SLC12A9: variants seen among roughly 807,000 people sequenced by gnomAD.
SLC12A9 encodes the protein solute carrier family 12 member 9, also known as CCC-interacting protein 1.
In SLC12A9, 55 loss-of-function variants were observed where a neutral mutation model predicts 66.0. The observed-to-expected ratio is 0.83, with a 90% CI of 0.67 to 1.04. The LOEUF is 1.04. Ranked by LOEUF, SLC12A9 falls within the 50% of genes least tolerant of loss-of-function variation. The probability of loss-of-function intolerance (pLI) is 0.00; values close to 1 mark genes in which losing one functional copy is unlikely to be tolerated. For synonymous variants in SLC12A9, 577 were observed against 569.0 expected (o/e 1.01, Z -0.20); for missense variants, 1,061 against 1,241.9 (o/e 0.85, Z 2.19).
At chr7:100,846,092 T>G (rs906038588) in intron 1 of SLC12A9, among the ~76,000 whole-genome samples, 1 of 152,184 alleles carries the variant, frequency 6.6e-6, no homozygotes, top group Non-Finnish European at 1.5e-5. Flanking sequence ...GACATAGAGA[T>G]ATGACAAAAC....
chr7:100,865,263 C>G (rs1178842855), intron 13 of SLC12A9: 1 of 1,535,692 alleles, frequency 6.5e-7, no homozygotes, highest in Middle Eastern at 1.7e-4. Flanking sequence ...CTGCCTGGTC[C>G]ATTTTTTCAT....
intron 1 of SLC12A9, among the ~76,000 whole-genome samples, chr7:100,832,774 C>CT (rs937017393): frequency 4.0e-5 from 6 of 150,960 alleles, no homozygotes; most frequent in African/African-American, 1.2e-4. Flanking sequence ...GATTTTATAC[C>CT]TTTTTTTTTC....
At chr7:100,854,558 C>G (rs1814269369) in intron 2 of SLC12A9, 62 bp from the exon 3 acceptor site, 1 of 1,608,376 alleles carries the variant, frequency 6.2e-7, no homozygotes, top group East Asian at 2.2e-5. Flanking sequence ...CTCTGCAGAA[C>G]CAGGGGGTGG....
chr7:100,837,851 ATTTTTTTTTTT>A (rs11285489), intron 1 of SLC12A9, among the ~76,000 whole-genome samples: 4 of 79,654 alleles, frequency 5.0e-5, no homozygotes, highest in South Asian at 4.2e-4. Flanking sequence ...ATTTATTTCA[ATTTTTTTTTTT>A]TTTTTTTTTT....
intron 1 of SLC12A9, among the ~76,000 whole-genome samples, chr7:100,842,205 C>G (rs768303962): frequency 3.4e-4 from 51 of 152,056 alleles, no homozygotes; most frequent in Non-Finnish European, 1.2e-4. Context: ...AAAGGAAAAC[C>G]CTATCAAACT....
Position 100,862,721 on chromosome 7 carries a change from A to G in SLC12A9, c.1752A>G (p.Ala584=). Residue 584 remains alanine (A), a synonymous_variant, in exon 13 of 14, where the codon GCA becomes GCG. Transcript: ENST00000354161. Reference sequence around the variant, plus strand: ...ACCCTGTACAGCCGCAGTATGGGGCATGGCTCAGCCTGGTGGACCGTGCCC... The same window carrying G: ...ACCCTGTACAGCCGCAGTATGGGGCGTGGCTCAGCCTGGTGGACCGTGCCC... The part of the protein sequence containing the change: ...PSDPVQPQYG[A]WLSLVDRAQV... The G allele has an allele frequency of 6.2e-7, 1 of 1,614,186 alleles. No individual in the cohort carries two copies. Among genetic ancestry groups the G allele is most frequent in the Non-Finnish European group, 8.5e-7 (1 of 1,180,034 alleles).
At chr7:100,865,307 TG>T in intron 13 of SLC12A9, 3 of 1,535,848 alleles carry the variant, frequency 2.0e-6, no homozygotes, top group Non-Finnish European at 2.6e-6. Context: ...GCTATTACCC[TG>T]GGGATTCAGG....
intron 1 of SLC12A9, among the ~76,000 whole-genome samples, chr7:100,841,325 A>C (rs930923854): frequency 5.3e-5 from 8 of 152,006 alleles, no homozygotes; most frequent in Admixed American, 1.3e-4. Context: ...AAAAAAAAAA[A>C]CAAACCAGTT....
Position 100,856,883 on chromosome 7 carries a change from G to C in SLC12A9, c.464G>C (p.Ser155Thr). 6.2e-7 allele frequency: 1 copy of C among 1,600,964 alleles called. No individual in the cohort carries two copies. Among genetic ancestry groups the C allele is most frequent in the Middle Eastern group, 1.7e-4 (1 of 6,020 alleles). The change falls in exon 5 of 14, where the codon AGT (serine) becomes ACT (threonine). Residue 155 changes from serine to threonine, a missense_variant. Transcript: ENST00000354161. ...DVFGADATGP[S>T]GLRVLPQGYG... ...CTCTCTCCAGATGCCACAGGGCCCAGTGGGCTCCGGGTCCTGCCCCAGGGC... is the reference window on the plus strand; with the variant it reads ...CTCTCTCCAGATGCCACAGGGCCCACTGGGCTCCGGGTCCTGCCCCAGGGC...
Position 100,852,740 on chromosome 7 carries a change from G to C in SLC12A9, c.-138G>C, listed in dbSNP as rs550500245. 1 of 152,152 alleles carries C rather than the reference G, an allele frequency of 6.6e-6. No individual in the cohort carries two copies. The highest frequency in any genetic ancestry group is 2.0e-4 in the East Asian group (1 of 5,108). 9.4% of individuals were successfully genotyped at this position (152,152 alleles called of 1,614,324 possible). A position where few individuals can be genotyped will look rare whatever the true frequency, so the allele number is the denominator to read the frequency against. ...GGACAGGCTCCAGGCCTGGCATCCCGGTAGCCGCAGCTGTCTTTTCCGGCC... is the reference window on the plus strand; with the variant it reads ...GGACAGGCTCCAGGCCTGGCATCCCCGTAGCCGCAGCTGTCTTTTCCGGCC... On this transcript the variant is annotated 5_prime_UTR_variant, in exon 1 of 14. Transcript: ENST00000354161.
At chr7:100,834,339 C>T (rs1031214783) in intron 1 of SLC12A9, among the ~76,000 whole-genome samples, 5 of 152,140 alleles carry the variant, frequency 3.3e-5, no homozygotes, top group South Asian at 4.1e-4. Context: ...CAGGTCATTA[C>T]GGGTTTTTGC....
rs747950698 is a variant in SLC12A9, at chr7:100,856,910, A to C, written c.491A>C (p.Tyr164Ser). ...GGGCTCCGGGTCCTGCCCCAGGGCT[A>C]CGGCTGGAACCTGCTGTATGGCTCC... ...PSGLRVLPQGYGWNLLYGSLL... is the reference protein window; with the variant it reads ...PSGLRVLPQGSGWNLLYGSLL... The change falls in exon 5 of 14, where the codon TAC (tyrosine) becomes TCC (serine). Residue 164 changes from tyrosine (Y) to serine (S), a missense_variant. Transcript: ENST00000354161. 6.2e-7 allele frequency: 1 copy of C among 1,610,082 alleles called. No individual in the cohort carries two copies. The highest frequency in any genetic ancestry group is 1.7e-5 in the Admixed American group (1 of 59,994).
At chr7:100,827,169 G>T in intron 1 of SLC12A9, 1 of 820,672 alleles carries the variant, frequency 1.2e-6, no homozygotes, top group Non-Finnish European at 1.7e-6. Context: ...GCCCATGCGA[G>T]CGTGCGGGGC....
chr7:100,827,095 C>T, intron 1 of SLC12A9: 2 of 1,524,096 alleles, frequency 1.3e-6, no homozygotes, highest in Non-Finnish European at 1.8e-6. Flanking sequence ...CCAGGTCTGA[C>T]TCTCCCTGGG....
intron 5 of SLC12A9, 49 bp downstream of exon 5, chr7:100,857,225 G>T: frequency 6.4e-7 from 1 of 1,570,784 alleles, no homozygotes; most frequent in South Asian, 1.2e-5. Context: ...GGGGTGGGCA[G>T]ACGTCGGGCC....
chr7:100,832,382 T>C (rs1037910446), intron 1 of SLC12A9, among the ~76,000 whole-genome samples: 4 of 151,974 alleles, frequency 2.6e-5, no homozygotes, highest in Admixed American at 2.6e-4. Context: ...CGTGGTGGCA[T>C]GTGGCTATGG....
intron 1 of SLC12A9, among the ~76,000 whole-genome samples, chr7:100,829,160 G>C (rs1027202127): frequency 1.3e-5 from 2 of 152,066 alleles, no homozygotes; most frequent in Non-Finnish European, 2.9e-5. Context: ...GCTAGTTTTC[G>C]TATTTTTAGT....
chr7:100,835,796 A>G (rs893707113), intron 1 of SLC12A9, among the ~76,000 whole-genome samples: 1 of 152,250 alleles, frequency 6.6e-6, no homozygotes, highest in Non-Finnish European at 1.5e-5. Context: ...TGGAATAGCA[A>G]GAGGCTGAGA....
At chr7:100,858,543 T>G in intron 5 of SLC12A9, 1 of 310,584 alleles carries the variant, frequency 3.2e-6, no homozygotes, top group East Asian at 7.3e-5. Flanking sequence ...TGAGCTACGA[T>G]GGTGCCACTG....
Sources: gnomAD v4.1 joint callset for allele counts (sites outside exome capture counted in the v4.1 genomes callset) on GRCh38, gnomAD v4.1.1 for gene constraint, MANE v1.5 for transcripts, NCBI Gene and HGNC (gene_info 2026-07-23, HGNC 2026-07-21) for gene names.